CACNA1A: variants seen among roughly 807,000 people sequenced by gnomAD.
CACNA1A encodes calcium voltage-gated channel subunit alpha1 A.
CACNA1A carries 57 observed loss-of-function variants against 262.4 expected under a neutral mutation model. That is an observed-to-expected ratio of 0.22 (90% confidence interval 0.18 to 0.27). The LOEUF is 0.27. Ranked by LOEUF, CACNA1A falls within the 10% of genes least tolerant of loss-of-function variation. The pLI is 1.00. For synonymous variants in CACNA1A, 1,431 were observed against 1,419.3 expected, an observed-to-expected ratio of 1.01 and a Z score of -0.18; for missense variants, 2,526 against 3,562.8, an observed-to-expected ratio of 0.71 and a Z score of 7.41.
intron 22 of CACNA1A, among the ~76,000 whole-genome samples, chr19:13,282,612 AC>A (rs1156631323): frequency 6.7e-6 from 1 of 149,576 alleles, no homozygotes; most frequent in Non-Finnish European, 1.5e-5. Context: ...CTGCTGTGTG[AC>A]CCTGGACAGG....
Position 13,214,421 on chromosome 19 carries a change from C to T in CACNA1A, c.5839+80G>A, listed in dbSNP as rs188329345. On this transcript the variant is annotated intron_variant, in intron 39 of 46. Transcript: ENST00000360228. The surrounding 1 kb of genome is among the most constrained non-coding windows in gnomAD (Gnocchi z 4.1). Reference sequence around the variant, plus strand: ...CCCTGTGTATACCAGCCCAGGCCAACACTCTCCCCAGGCCTCCCCTTTCCC... The same window carrying T: ...CCCTGTGTATACCAGCCCAGGCCAATACTCTCCCCAGGCCTCCCCTTTCCC... The T allele has an allele frequency of 3.3e-4, 503 of 1,541,642 alleles. No individual in the cohort carries two copies. In the African/African-American group the frequency reaches 5.4e-3, roughly 17 times the overall value.
intron 3 of CACNA1A, among the ~76,000 whole-genome samples, chr19:13,426,249 T>C (rs1245060298): frequency 6.6e-6 from 1 of 152,250 alleles, no homozygotes; most frequent in Non-Finnish European, 1.5e-5. Flanking sequence ...TCGCATATTA[T>C]GGGCTTTTTT....
At chr19:13,277,182 C>A in intron 22 of CACNA1A, 54 bp from the exon 23 acceptor site, 1 of 1,323,130 alleles carries the variant, frequency 7.6e-7, no homozygotes, top group Non-Finnish European at 1.1e-6. Flanking sequence ...TCCAGCAGAG[C>A]CCCGGTAAAA....
chr19:13,355,762 T>G (rs939230188), intron 6 of CACNA1A, among the ~76,000 whole-genome samples: 8 of 152,156 alleles, frequency 5.3e-5, no homozygotes, highest in African/African-American at 1.9e-4. Context: ...ACCCAGGGTT[T>G]CCTGACAGAA....
intron 3 of CACNA1A, among the ~76,000 whole-genome samples, chr19:13,389,938 G>A (rs1479123945): frequency 6.6e-6 from 1 of 151,854 alleles, no homozygotes; most frequent in Non-Finnish European, 1.5e-5. Flanking sequence ...TCAGCCTCTC[G>A]AGTAGCTGGG....
At chr19:13,340,360 C>T (rs10401619) in intron 6 of CACNA1A, among the ~76,000 whole-genome samples, 1,965 of 152,040 alleles carry the variant, frequency 0.013, 46 homozygotes, top group African/African-American at 0.045. Flanking sequence ...CTCATGAACC[C>T]CAGGAGTGGG....
chr19:13,300,695 C>G, intron 17 of CACNA1A, 39 bp from the exon 18 acceptor site: 1 of 1,538,720 alleles, frequency 6.5e-7, no homozygotes, highest in Middle Eastern at 1.7e-4. Context: ...AAAACATGAA[C>G]TAGGCCTTGG....
intron 31 of CACNA1A, among the ~76,000 whole-genome samples, chr19:13,238,767 A>C (rs940768727): frequency 2.0e-5 from 3 of 151,948 alleles, no homozygotes; most frequent in African/African-American, 7.3e-5. Flanking sequence ...TGTATTTTTT[A>C]GGAGAGATGG....
At chr19:13,371,468 G>A (rs1365901280) in intron 4 of CACNA1A, 4 of 552,644 alleles carry the variant, frequency 7.2e-6, no homozygotes, top group Non-Finnish European at 1.3e-5. Context: ...TAGACAGTAG[G>A]TGCTCAATAA....
rs1325031769 is a variant in CACNA1A, at chr19:13,334,408, T to C, written c.1168A>G (p.Asn390Asp). The change falls in exon 8 of 47, where the codon AAT becomes GAT. Residue 390 changes from asparagine (N) to aspartate (D), a missense_variant. This residue lies in a region of CACNA1A where 104 missense variants were observed against 127.6 expected (regional missense o/e 0.81). Transcript: ENST00000360228. ...RRQQQIEREL[N>D]GYMEWISKAE... ...TTTGAGATCCACTCCATGTACCCAT[T>C]GAGCTCACGTTCAATCTGTTGTTGC... is the stretch of plus-strand genomic sequence containing the variant. The C allele has an allele frequency of 1.2e-6, 2 of 1,603,966 alleles. No homozygotes were observed. Among genetic ancestry groups the C allele is most frequent in the East Asian group, 4.5e-5 (2 of 44,818 alleles).
At chr19:13,474,295 T>A (rs1978312702) in intron 1 of CACNA1A, among the ~76,000 whole-genome samples, 1 of 152,172 alleles carries the variant, frequency 6.6e-6, no homozygotes, top group African/African-American at 2.4e-5. Flanking sequence ...AGCTCCAGGA[T>A]CTTGCTTAGG....
intron 19 of CACNA1A, among the ~76,000 whole-genome samples, chr19:13,295,043 T>A (rs866227971): frequency 3.3e-5 from 5 of 152,214 alleles, no homozygotes; most frequent in African/African-American, 9.6e-5. Flanking sequence ...CTCAGATTGC[T>A]CCTCTGGAAA....
At chr19:13,440,555 G>C (rs73925307) in intron 3 of CACNA1A, among the ~76,000 whole-genome samples, 2 of 152,140 alleles carry the variant, frequency 1.3e-5, no homozygotes, top group African/African-American at 4.8e-5. Context: ...TAATATAATT[G>C]AGCACTTATT....
chr19:13,255,578 A>G (rs542883186), intron 28 of CACNA1A, among the ~76,000 whole-genome samples: 168 of 152,262 alleles, frequency 1.1e-3, no homozygotes, highest in Non-Finnish European at 2.0e-3. Context: ...AGAGGCTTAG[A>G]AAGGTTAAAC....
chr19:13,394,216 T>C (rs1234590146), intron 3 of CACNA1A, among the ~76,000 whole-genome samples: 1 of 151,820 alleles, frequency 6.6e-6, no homozygotes, highest in African/African-American at 2.4e-5. Flanking sequence ...GTCAGAGAGG[T>C]GGGGTCACTG....
At chr19:13,209,260 CCCTCT>C (rs1032523835) in intron 45 of CACNA1A, 47 bp downstream of exon 45, 19 of 1,433,312 alleles carry the variant, frequency 1.3e-5, no homozygotes, top group Admixed American at 8.6e-5. Flanking sequence ...CCTTCTCCTC[CCCTCT>C]CCTCTCCTCT....
intron 1 of CACNA1A, among the ~76,000 whole-genome samples, chr19:13,456,909 G>T (rs1254586010): frequency 6.6e-6 from 1 of 152,068 alleles, no homozygotes; most frequent in Non-Finnish European, 1.5e-5. Context: ...AACAAGTGTT[G>T]GTGAAGATGT....
At position 13,299,293 on chromosome 19, in the gene CACNA1A, C is replaced by G. The variant is rs562717028; in HGVS notation, c.2340G>C (p.Glu780Asp). The change falls in exon 19 of 47, where the codon GAG becomes GAC. Residue 780 changes from glutamate (E) to aspartate (D), a missense_variant. Around this residue, in one of 17 missense-constraint regions of CACNA1A, gnomAD observed 765 missense variants for 748.6 expected, o/e 1.02. Coordinates refer to ENST00000360228, the MANE Select transcript of CACNA1A (RefSeq NM_001127222.2). ...AKSVWEQRTS[E>D]MRKQNLLASR... ...TGGCCAGCAAGTTCTGCTTTCGCATCTCACTGGTCCGCTGCTCCCACACGG... is the reference window on the plus strand; with the variant it reads ...TGGCCAGCAAGTTCTGCTTTCGCATGTCACTGGTCCGCTGCTCCCACACGG... 1 of 1,602,892 alleles carries G rather than the reference C, an allele frequency of 6.2e-7. No homozygotes were observed. Among genetic ancestry groups the G allele is most frequent in the Non-Finnish European group, 8.5e-7 (1 of 1,179,848 alleles).
Position 13,234,736 on chromosome 19 carries a change from TA to T in CACNA1A, c.5249+184del. On this transcript the variant is annotated intron_variant, in intron 34 of 46. Transcript: ENST00000360228. Reference sequence around the variant, plus strand: ...CGGAAGAGAAGGCCGGCACGTCCCCTACCGGAAGAGAAGGGCACGCCCCCTA... The same window carrying T: ...CGGAAGAGAAGGCCGGCACGTCCCCTCCGGAAGAGAAGGGCACGCCCCCTA... 1.7e-5 allele frequency: 7 copies of T among 408,654 alleles called. No homozygotes were observed. In the East Asian group the frequency reaches 5.6e-4, roughly 33 times the overall value. 25.3% of individuals were successfully genotyped at this position (408,654 alleles called of 1,614,324 possible).
Sources: allele counts gnomAD v4.1 joint callset (sites outside exome capture counted in the v4.1 genomes callset), GRCh38; gene constraint gnomAD v4.1.1; regional missense constraint gnomAD v4.1.1; non-coding constraint Gnocchi (gnomAD v3.1); transcripts MANE v1.5; gene names NCBI Gene and HGNC (gene_info 2026-07-23, HGNC 2026-07-21).